MAP1B: variants seen among roughly 807,000 people sequenced by gnomAD.
MAP1B encodes the protein microtubule-associated protein 1B.
A neutral mutation model predicts 176.1 loss-of-function variants in MAP1B; 12 were observed. That is an observed-to-expected ratio of 0.07 (90% CI 0.04 to 0.11). MAP1B has a LOEUF of 0.11. MAP1B is among the 10% of genes least tolerant of loss of function. The pLI, the probability that MAP1B is intolerant of heterozygous loss-of-function variation, is 1.00. For synonymous variants in MAP1B, 1,044 were observed against 1,135.0 expected, an observed-to-expected ratio of 0.92 and a Z score of 1.61; for missense variants, 2,523 against 2,990.5, an observed-to-expected ratio of 0.84 and a Z score of 3.65.
intron 2 of MAP1B, among the ~76,000 whole-genome samples, chr5:72,141,870 C>T (rs919170529): frequency 7.9e-5 from 12 of 152,186 alleles, no homozygotes; most frequent in Non-Finnish European, 1.5e-5. Context: ...TTCTGGATTA[C>T]ACTGGGGACG....
rs1219261447 is a variant in MAP1B, at chr5:72,198,852, C to A, written c.5497C>A (p.Arg1833Ser). 9.9e-6 allele frequency: 16 copies of A among 1,614,100 alleles called. No individual in the cohort carries two copies. The highest frequency in any genetic ancestry group is 1.4e-5 in the Non-Finnish European group (16 of 1,180,048). Residue 1833 changes from arginine (R) to serine (S), a missense_variant, in exon 5 of 7, where the codon CGT (arginine) becomes AGT (serine). Physicochemically the swap from Arg to Ser is moderately radical, Grantham distance 110. Around this residue, in one of 4 missense-constraint regions of MAP1B, gnomAD observed 1,925 missense variants for 2,126.0 expected, o/e 0.91. Coordinates refer to ENST00000296755, the MANE Select transcript of MAP1B (RefSeq NM_005909.5). ...AGCATCCGCAGAGCCCTATGGCTTC[C>A]GTGCCTCAGTGTTATTCGATACAAT... is the stretch of plus-strand genomic sequence containing the variant. ...DAASAEPYGFRASVLFDTMQH... is the reference protein window; with the variant it reads ...DAASAEPYGFSASVLFDTMQH...
At chr5:72,144,407 A>G (rs1746008612) in intron 2 of MAP1B, among the ~76,000 whole-genome samples, 1 of 152,086 alleles carries the variant, frequency 6.6e-6, no homozygotes, top group Admixed American at 6.5e-5. Flanking sequence ...TACTGAATTC[A>G]AAGCTAAATT....
At chr5:72,174,372 T>C (rs762601789) in intron 2 of MAP1B, among the ~76,000 whole-genome samples, 2 of 152,206 alleles carry the variant, frequency 1.3e-5, no homozygotes, top group Non-Finnish European at 2.9e-5. Context: ...GTTACTATTT[T>C]AGTACCCACT....
At chr5:72,142,969 G>GA (rs1404450706) in intron 2 of MAP1B, among the ~76,000 whole-genome samples, 18 of 152,138 alleles carry the variant, frequency 1.2e-4, no homozygotes, top group African/African-American at 4.1e-4. Context: ...CCAAAAATAA[G>GA]ATTTTCTAGT....
At chr5:72,110,115 C>T (rs1303460939) in intron 1 of MAP1B, among the ~76,000 whole-genome samples, 1 of 152,112 alleles carries the variant, frequency 6.6e-6, no homozygotes, top group African/African-American at 2.4e-5. Context: ...GAGGAAAGGG[C>T]ACAAATCAAA....
At chr5:72,175,335 C>T (rs927223363) in intron 2 of MAP1B, among the ~76,000 whole-genome samples, 1 of 152,036 alleles carries the variant, frequency 6.6e-6, no homozygotes, top group Non-Finnish European at 1.5e-5. Flanking sequence ...ACCCCATCAC[C>T]CTTCACTCCA....
Position 72,196,274 on chromosome 5 carries a change from G to C in MAP1B, c.2919G>C (p.Glu973Asp). 1.2e-6 allele frequency: 2 copies of C among 1,614,062 alleles called. No homozygotes were observed. Among genetic ancestry groups the C allele is most frequent in the East Asian group, 2.2e-5 (1 of 44,880 alleles). The change falls in exon 5 of 7, where the codon GAG becomes GAC. Residue 973 changes from glutamate (E) to aspartate (D), a missense_variant. Physicochemically the swap from Glu to Asp is conservative, Grantham distance 45 (BLOSUM62 2). Transcript: ENST00000296755. This position sits in a 1 kb window ranked among gnomAD's most constrained non-coding sequence, Gnocchi z 5.3. ...CVSASKHSPTEDEESAKAEAD... is the reference protein window; with the variant it reads ...CVSASKHSPTDDEESAKAEAD... Reference sequence around the variant, plus strand: ...GCGCCTCCAAGCACAGCCCCACTGAGGATGAGGAAAGTGCCAAGGCGGAGG... The same window carrying C: ...GCGCCTCCAAGCACAGCCCCACTGACGATGAGGAAAGTGCCAAGGCGGAGG...
intron 1 of MAP1B, among the ~76,000 whole-genome samples, chr5:72,112,902 C>T (rs1431099280): frequency 1.6e-4 from 24 of 152,180 alleles, no homozygotes; most frequent in Non-Finnish European, 2.9e-5. Flanking sequence ...CAACAGAGAC[C>T]AGGATGACTT....
chr5:72,168,998 G>A (rs905456643), intron 2 of MAP1B, among the ~76,000 whole-genome samples: 23 of 152,150 alleles, frequency 1.5e-4, no homozygotes, highest in African/African-American at 5.3e-4. Flanking sequence ...AGAGGTCAAC[G>A]GTACTCATCT....
At chr5:72,177,064 C>G (rs1267183927) in intron 2 of MAP1B, among the ~76,000 whole-genome samples, 1 of 152,184 alleles carries the variant, frequency 6.6e-6, no homozygotes, top group Non-Finnish European at 1.5e-5. Context: ...GGAATTAGAA[C>G]CAAGTCTCCT....
rs550429163 is a variant in MAP1B, at chr5:72,150,598, CA to C, written c.287-33144del. ...TTGTTGTACAGATTATTTCATCACCCAGGTGTTAAGCCTAGTACCCATTAGT... is the reference window on the plus strand; with the variant it reads ...TTGTTGTACAGATTATTTCATCACCCGGTGTTAAGCCTAGTACCCATTAGT... On this transcript the variant is annotated intron_variant, in intron 2 of 6. Coordinates refer to ENST00000296755, the MANE Select transcript of MAP1B (RefSeq NM_005909.5). Among the ~76,000 whole-genome samples the C allele has an allele frequency of 2.0e-3, 308 of 152,286 alleles. 1 individual carries two copies. Among genetic ancestry groups the C allele is most frequent in the Non-Finnish European group, 3.5e-3 (241 of 68,020 alleles).
At chr5:72,163,227 C>CAAAAAAAA (rs10608907) in intron 2 of MAP1B, among the ~76,000 whole-genome samples, 2 of 78,148 alleles carry the variant, frequency 2.6e-5, no homozygotes, top group African/African-American at 4.9e-5. Flanking sequence ...GACTCCATCT[C>CAAAAAAAA]AAAAAAAAAA....
At chr5:72,118,811 T>A (rs1705637393) in intron 2 of MAP1B, among the ~76,000 whole-genome samples, 1 of 152,194 alleles carries the variant, frequency 6.6e-6, no homozygotes, top group South Asian at 2.1e-4. Flanking sequence ...TTTTATGACA[T>A]AAGTAAATTA....
chr5:72,198,613 T>C lies in MAP1B; in HGVS notation c.5258T>C (p.Val1753Ala). The C allele has an allele frequency of 6.2e-7, 1 of 1,614,158 alleles. No individual in the cohort carries two copies. Residue 1753 changes from valine to alanine, a missense_variant, in exon 5 of 7, where the codon GTT becomes GCT. By Grantham distance (64) the Val-to-Ala change is moderately conservative. This residue lies in a region of MAP1B where 1,925 missense variants were observed against 2,126.0 expected (regional missense o/e 0.91). Coordinates refer to ENST00000296755, the MANE Select transcript of MAP1B (RefSeq NM_005909.5). ...SPLQEDTLSD[V>A]APPRDMSLYA... Reference sequence around the variant, plus strand: ...CTCCAAGAAGATACTCTATCCGATGTTGCTCCTCCCAGAGATATGTCCTTA... The same window carrying C: ...CTCCAAGAAGATACTCTATCCGATGCTGCTCCTCCCAGAGATATGTCCTTA...
In MAP1B at chr5:72,155,072, C is replaced by CCG. The variant is rs202070662; in HGVS notation, c.287-28670_287-28669dup. ...CTGGTGAGTTGGAGGTGCATTGTTA[C>CCG]CGTGTCCTTACACACTGTGTCCATT... On this transcript the variant is annotated intron_variant, in intron 2 of 6. Transcript: ENST00000296755. Among the ~76,000 whole-genome samples, 941 of 152,328 alleles carry CCG rather than the reference C, an allele frequency of 6.2e-3. 6 individuals carry two copies. Among genetic ancestry groups the CCG allele is most frequent in the African/African-American group, 0.021 (872 of 41,568 alleles).
chr5:72,194,765 A>T lies in MAP1B; in HGVS notation c.1410A>T (p.Ser470=), dbSNP rs1428231209. 1.4e-5 allele frequency: 22 copies of T among 1,614,052 alleles called. No homozygotes were observed. The highest frequency in any genetic ancestry group is 1.9e-5 in the Non-Finnish European group (22 of 1,180,040). ...DLPISYLTSV[S]SLIVWHPANP... is the part of the protein sequence containing the mutation. ...CGATTTCCTACTTAACTTCAGTCTC[A>T]TCTTTGATTGTGTGGCATCCAGCAA... The change falls in exon 5 of 7, where the codon TCA becomes TCT. Residue 470 remains serine (S), a synonymous_variant. Transcript: ENST00000296755. The surrounding 1 kb of genome is among the most constrained non-coding windows in gnomAD (Gnocchi z 7.2).
At chr5:72,153,531 G>T (rs1409048752) in intron 2 of MAP1B, among the ~76,000 whole-genome samples, 1 of 151,910 alleles carries the variant, frequency 6.6e-6, no homozygotes, top group Admixed American at 6.6e-5. Flanking sequence ...GAGTCAGTGT[G>T]GGGGTGATTT....
intron 1 of MAP1B, among the ~76,000 whole-genome samples, chr5:72,113,806 A>G (rs558866444): frequency 2.8e-4 from 43 of 152,356 alleles, no homozygotes; most frequent in Non-Finnish European, 4.6e-4. Context: ...TTTGCACTAG[A>G]CTAGTATATA....
In MAP1B at chr5:72,201,075, C is replaced by T. The variant is rs1016277227; in HGVS notation, c.7012+708C>T. Among the ~76,000 whole-genome samples the T allele has an allele frequency of 2.0e-5, 3 of 152,118 alleles. No homozygotes were observed. The South Asian group carries it at 6.2e-4, about 32-fold the overall frequency. On this transcript the variant is annotated intron_variant, in intron 5 of 6. Coordinates refer to ENST00000296755, the MANE Select transcript of MAP1B (RefSeq NM_005909.5). ...AATGCTATTTCAGATTAAAATTCCA[C>T]TGGGAAGCTAGATGCATGGCCTCAT...
Sources: allele counts gnomAD v4.1 joint callset (sites outside exome capture counted in the v4.1 genomes callset), GRCh38; gene constraint gnomAD v4.1.1; regional missense constraint gnomAD v4.1.1; non-coding constraint Gnocchi (gnomAD v3.1); transcripts MANE v1.5; gene names NCBI Gene and HGNC (gene_info 2026-07-23, HGNC 2026-07-21).